TRPV1: variants seen among roughly 807,000 people sequenced by gnomAD.
TRPV1 encodes the protein OTRPC1.
TRPV1 carries 82 observed loss-of-function variants against 82.3 expected under a neutral mutation model. The observed-to-expected ratio is 1.00, with a 90% CI of 0.83 to 1.20. The LOEUF is 1.20. Among genes scored for constraint, TRPV1 ranks in the 50% most tolerant of loss-of-function variants. TRPV1 has a pLI of 0.00. For synonymous variants in TRPV1, 515 were observed against 467.7 expected, an observed-to-expected ratio of 1.10 and a Z score of -1.30; for missense variants, 1,067 against 1,096.8, an observed-to-expected ratio of 0.97 and a Z score of 0.38.
chr17:3,583,991 C>T (rs7502141), intron 9 of TRPV1, among the ~76,000 whole-genome samples: 68,563 of 152,016 alleles, frequency 0.45, 17,873 homozygotes, highest in African/African-American at 0.71. Context: ...AAGTCACTGG[C>T]CGGGTGCAGT....
At chr17:3,577,941 G>A (rs2074956657) in intron 11 of TRPV1, 178 bp from the exon 12 acceptor site, 2 of 600,428 alleles carry the variant, frequency 3.3e-6, no homozygotes, top group Non-Finnish European at 2.9e-6. Flanking sequence ...TCGTCCCCAA[G>A]GAGCAGAAAT....
chr17:3,588,912 C>A (rs1233289429), intron 7 of TRPV1: 5 of 1,535,656 alleles, frequency 3.3e-6, no homozygotes, highest in Admixed American at 3.9e-5. Flanking sequence ...CACGGCGAGG[C>A]CCCAGCTCTA....
chr17:3,592,426 C>CAAGCAGTCCT, intron 2 of TRPV1, 43 bp from the exon 3 acceptor site: 3 of 1,492,930 alleles, frequency 2.0e-6, no homozygotes, highest in Non-Finnish European at 2.7e-6. Context: ...AAAGTAAGGA[C>CAAGCAGTCCT]TGCTTGTCCT....
intron 13 of TRPV1, among the ~76,000 whole-genome samples, chr17:3,576,451 G>A (rs1053326389): frequency 6.6e-6 from 1 of 151,712 alleles, no homozygotes; most frequent in South Asian, 2.1e-4. Flanking sequence ...AGGAGATCGA[G>A]ACCATCCTGG....
At chr17:3,570,006 GCGGT>G (rs2074830375) in intron 16 of TRPV1, among the ~76,000 whole-genome samples, 1 of 149,596 alleles carries the variant, frequency 6.7e-6, no homozygotes, top group African/African-American at 2.5e-5. Context: ...GAGGGGCCAA[GCGGT>G]CAGGGAGGAG....
intron 7 of TRPV1, chr17:3,588,910 G>C: frequency 6.5e-7 from 1 of 1,535,688 alleles, no homozygotes; most frequent in African/African-American, 1.4e-5. Context: ...CTCACGGCGA[G>C]GCCCCAGCTC....
rs1467414558 is a variant in TRPV1, at chr17:3,566,919, G to A, written c.2416C>T (p.Gln806Ter). 1.2e-6 allele frequency: 2 copies of A among 1,614,010 alleles called. No homozygotes were observed. The highest frequency in any genetic ancestry group is 1.1e-5 in the South Asian group (1 of 91,084). Reference sequence around the variant, plus strand: ...TAAACTTCCTCGGGCTGAGCAGACTGCCTATCTCGAGCACTTGCCTCTCTT... The same window carrying A: ...TAAACTTCCTCGGGCTGAGCAGACTACCTATCTCGAGCACTTGCCTCTCTT... ...LLREASARDR[Q>*]SAQPEEVYLR... is the part of the protein sequence containing the mutation. The change falls in exon 17 of 17, where the codon CAG becomes TAG. Residue 806 changes from glutamine (Q) to a stop codon, truncating the protein, a stop_gained. Coordinates refer to ENST00000572705, the MANE Select transcript of TRPV1 (RefSeq NM_080704.4). LOFTEE classifies it high-confidence loss of function.
chr17:3,588,299 G>C lies in TRPV1; in HGVS notation c.1113C>G (p.Thr371=). The C allele has an allele frequency of 6.4e-7, 1 of 1,574,072 alleles. No individual in the cohort carries two copies. The highest frequency in any genetic ancestry group is 1.2e-5 in the South Asian group (1 of 85,386). ...PECRHLSRKF[T]EWAYGPVHSS... Reference sequence around the variant, plus strand: ...AGTGCACGGGCCCGTAGGCCCACTCGGTGAACTTCCTGGACAGGTGCCTGC... The same window carrying C: ...AGTGCACGGGCCCGTAGGCCCACTCCGTGAACTTCCTGGACAGGTGCCTGC... Residue 371 remains threonine (T), a synonymous_variant, in exon 8 of 17, where the codon ACC becomes ACG. Coordinates refer to ENST00000572705, the MANE Select transcript of TRPV1 (RefSeq NM_080704.4).
At position 3,566,912 on chromosome 17, in the gene TRPV1, G is replaced by A. The variant is rs977995978; in HGVS notation, c.2423C>T (p.Ala808Val). Residue 808 changes from alanine (A) to valine (V), a missense_variant, in exon 17 of 17, where the codon GCT (alanine) becomes GTT (valine). Coordinates refer to ENST00000572705, the MANE Select transcript of TRPV1 (RefSeq NM_080704.4). Reference sequence around the variant, plus strand: ...TCGCAGATAAACTTCCTCGGGCTGAGCAGACTGCCTATCTCGAGCACTTGC... The same window carrying A: ...TCGCAGATAAACTTCCTCGGGCTGAACAGACTGCCTATCTCGAGCACTTGC... ...REASARDRQS[A>V]QPEEVYLRQF... 1.2e-6 allele frequency: 2 copies of A among 1,614,012 alleles called. No individual in the cohort carries two copies. Among genetic ancestry groups the A allele is most frequent in the Non-Finnish European group, 1.7e-6 (2 of 1,179,890 alleles).
intron 2 of TRPV1, among the ~76,000 whole-genome samples, chr17:3,603,206 AAG>A (rs2150859775): frequency 6.6e-6 from 1 of 152,232 alleles, no homozygotes; most frequent in Non-Finnish European, 1.5e-5. Context: ...CCGGGTGCCC[AAG>A]AGTCTAAAAG....
chr17:3,594,663 G>A (rs182736994), intron 2 of TRPV1, among the ~76,000 whole-genome samples: 10 of 152,208 alleles, frequency 6.6e-5, no homozygotes, highest in East Asian at 1.9e-4. Flanking sequence ...ACAGAAAGCC[G>A]ATTCCCTCAT....
chr17:3,577,327 G>T, intron 12 of TRPV1, 135 bp from the exon 13 acceptor site: 1 of 987,756 alleles, frequency 1.0e-6, no homozygotes, highest in South Asian at 1.6e-5. Context: ...TCAGCTCAGG[G>T]GTCATGAGGG....
intron 13 of TRPV1, among the ~76,000 whole-genome samples, chr17:3,574,873 G>A (rs1397974798): frequency 2.8e-5 from 4 of 144,126 alleles, no homozygotes; most frequent in African/African-American, 5.2e-5. Context: ...TTTGCAGATC[G>A]CGCCACTGCA....
chr17:3,583,671 C>T lies in TRPV1; in HGVS notation c.1384-241G>A, dbSNP rs368104496. Among the ~76,000 whole-genome samples the T allele has an allele frequency of 1.3e-3, 191 of 152,350 alleles. 3 individuals are homozygous for T. In the South Asian group the frequency reaches 0.027, roughly 21 times the overall value. Reference sequence around the variant, plus strand: ...CATCTTACAATGCTGTGCCGCCTCCCAAGCAATGTCCCGGCAGGCCCAGAG... The same window carrying T: ...CATCTTACAATGCTGTGCCGCCTCCTAAGCAATGTCCCGGCAGGCCCAGAG... On this transcript the variant is annotated intron_variant, in intron 9 of 16. Transcript: ENST00000572705.
intron 2 of TRPV1, chr17:3,592,811 G>A (rs16953227): frequency 0.099 from 17,421 of 176,044 alleles, 3,257 homozygotes; most frequent in African/African-American, 0.39. Flanking sequence ...GGAGGATCTC[G>A]GTGATGAGGA....
chr17:3,585,866 T>G lies in TRPV1; in HGVS notation c.1285A>C (p.Arg429=). 6.2e-7 allele frequency: 1 copy of G among 1,613,994 alleles called. No individual in the cohort carries two copies. Among genetic ancestry groups the G allele is most frequent in the South Asian group, 1.1e-5 (1 of 91,082 alleles). The change falls in exon 9 of 17, where the codon AGA becomes CGA. Residue 429 remains arginine (R), a synonymous_variant. Transcript: ENST00000572705. Reference sequence around the variant, plus strand: ...AAGTAGAAGATGCGCTTGACGAATCTGTCCCACTTGTCCTGCAGGAGTCGG... The same window carrying G: ...AAGTAGAAGATGCGCTTGACGAATCGGTCCCACTTGTCCTGCAGGAGTCGG... ...LNRLLQDKWD[R]FVKRIFYFNF...
intron 14 of TRPV1, among the ~76,000 whole-genome samples, chr17:3,573,326 G>A (rs544849482): frequency 2.0e-5 from 3 of 152,150 alleles, no homozygotes; most frequent in Admixed American, 6.5e-5. Flanking sequence ...AGCCAAGCAC[G>A]GTGTCTATAA....
Position 3,566,602 on chromosome 17 carries a change from G to A in TRPV1, c.*213C>T, listed in dbSNP as rs1415008877. On this transcript the variant is annotated 3_prime_UTR_variant, in exon 17 of 17. Coordinates refer to ENST00000572705, the MANE Select transcript of TRPV1 (RefSeq NM_080704.4). ...GTAAAAACCTGAAAGTCTGTTAGGA[G>A]ATTCACTTGGGGACAGTGACGGTTG... 1 of 524,624 alleles carries A rather than the reference G, an allele frequency of 1.9e-6. No individual in the cohort carries two copies. The highest frequency in any genetic ancestry group is 3.4e-5 in the Admixed American group (1 of 29,508). 32.5% of individuals were successfully genotyped at this position (524,624 alleles called of 1,614,324 possible). A position where few individuals can be genotyped will look rare whatever the true frequency, so the allele number is the denominator to read the frequency against.
chr17:3,572,285 G>A (rs1456516072), intron 14 of TRPV1, 36 bp from the exon 15 acceptor site: 2 of 1,578,316 alleles, frequency 1.3e-6, no homozygotes, highest in Admixed American at 1.8e-5. Context: ...GAGCTGAGGG[G>A]CAGAGGGTGC....
Sources: allele counts gnomAD v4.1 joint callset (sites outside exome capture counted in the v4.1 genomes callset), GRCh38; gene constraint gnomAD v4.1.1; transcripts MANE v1.5; gene names NCBI Gene and HGNC (gene_info 2026-07-23, HGNC 2026-07-21).